Variants in DCSTAMP observed in about 807,000 individuals in gnomAD.
DCSTAMP encodes dendrocyte expressed seven transmembrane protein.
Under a neutral mutation model 33.8 loss-of-function variants are expected in DCSTAMP, and 25 were observed. The observed-to-expected ratio is 0.74, with a 90% CI of 0.54 to 1.03. DCSTAMP has a LOEUF of 1.03. DCSTAMP is among the 50% of genes least tolerant of loss of function. The probability of loss-of-function intolerance (pLI) is 0.00; values close to 1 mark genes in which losing one functional copy is unlikely to be tolerated. For synonymous variants in DCSTAMP, 245 were observed against 216.7 expected, an observed-to-expected ratio of 1.13 and a Z score of -1.15; for missense variants, 531 against 556.8, an observed-to-expected ratio of 0.95 and a Z score of 0.47.
Position 104,355,187 on chromosome 8 carries a change from TA to T in DCSTAMP, c.1338+4del. On this transcript the variant is annotated splice_donor_region_variant and intron_variant, in intron 3 of 3. Transcript: ENST00000297581. ...CGGCTGAGTCTCTATCTTACAAAGG[TA>T]AGGCCAAGATGGTGGTGTAACCTCC... 6.2e-7 allele frequency: 1 copy of T among 1,610,020 alleles called. No homozygotes were observed. The highest frequency in any genetic ancestry group is 1.1e-5 in the South Asian group (1 of 90,446).
At chr8:104,351,673 C>G (rs2458412) in intron 2 of DCSTAMP, among the ~76,000 whole-genome samples, 96,375 of 152,018 alleles carry the variant, frequency 0.63, 31,500 homozygotes, top group Non-Finnish European at 0.72. Context: ...AGCCATGTAA[C>G]ACAACTTCTG....
At chr8:104,355,434 T>C (rs1009529367) in intron 3 of DCSTAMP, among the ~76,000 whole-genome samples, 1 of 152,150 alleles carries the variant, frequency 6.6e-6, no homozygotes, top group Non-Finnish European at 1.5e-5. Flanking sequence ...GTATGTTCAG[T>C]CATTGTAGAG....
intron 3 of DCSTAMP, 92 bp from the exon 4 acceptor site, chr8:104,356,032 C>T: frequency 1.7e-6 from 2 of 1,175,330 alleles, no homozygotes; most frequent in East Asian, 2.6e-5. Flanking sequence ...TTTTTCCCAA[C>T]ATCTTTAACC....
chr8:104,347,916 C>A (rs1810356615), intron 1 of DCSTAMP, among the ~76,000 whole-genome samples: 1 of 151,996 alleles, frequency 6.6e-6, no homozygotes, highest in Non-Finnish European at 1.5e-5. Context: ...CACAAGGGCT[C>A]TTATAAGAGG....
At position 104,348,654 on chromosome 8, in the gene DCSTAMP, A is replaced by G. The variant is rs370717339; in HGVS notation, c.102A>G (p.Gly34=). The G allele has an allele frequency of 1.9e-6, 3 of 1,613,902 alleles. No homozygotes were observed. Among genetic ancestry groups the G allele is most frequent in the Non-Finnish European group, 2.5e-6 (3 of 1,180,020 alleles). ...PGWMDFIQHL[G]VCCLVALISV... is the part of the protein sequence containing the mutation. Reference sequence around the variant, plus strand: ...GGATGGACTTTATCCAGCATTTGGGAGTTTGCTGTTTGGTTGCTCTTATTT... The same window carrying G: ...GGATGGACTTTATCCAGCATTTGGGGGTTTGCTGTTTGGTTGCTCTTATTT... Residue 34 remains glycine (G), a synonymous_variant, in exon 2 of 4, where the codon GGA becomes GGG. Transcript: ENST00000297581.
rs1185935066 is a variant in DCSTAMP at position 104,353,276 on chromosome 8, G to GT, written c.1030-1599dup. Among the ~76,000 whole-genome samples the GT allele has an allele frequency of 2.6e-5, 4 of 152,304 alleles. No homozygotes were observed. In the East Asian group the frequency reaches 7.7e-4, roughly 29 times the overall value. On this transcript the variant is annotated intron_variant, in intron 2 of 3. Transcript: ENST00000297581. ...AAGAGAGGAATATAAATATTGAAAC[G>GT]TTGGGGTGCCATTTAGTATACTGCT...
chr8:104,356,359 C>T lies in DCSTAMP; in HGVS notation c.*161C>T. Reference sequence around the variant, plus strand: ...TGCAGCACCTGGTTATGCCTCCTTTCATCTCAAAGCCAAAGAGCTGCCAGG... The same window carrying T: ...TGCAGCACCTGGTTATGCCTCCTTTTATCTCAAAGCCAAAGAGCTGCCAGG... On this transcript the variant is annotated 3_prime_UTR_variant, in exon 4 of 4. Transcript: ENST00000297581. 4 of 549,204 alleles carry T rather than the reference C, an allele frequency of 7.3e-6. No individual in the cohort carries two copies. Among genetic ancestry groups the T allele is most frequent in the Non-Finnish European group, 1.2e-5 (4 of 331,972 alleles). The allele number at this position is 549,204 out of a possible 1,614,324, so 34.0% of individuals were successfully genotyped here.
chr8:104,349,444 C>T lies in DCSTAMP; in HGVS notation c.892C>T (p.Leu298Phe). 6.2e-7 allele frequency: 1 copy of T among 1,614,160 alleles called. No individual in the cohort carries two copies. Among genetic ancestry groups the T allele is most frequent in the South Asian group, 1.1e-5 (1 of 91,082 alleles). The change falls in exon 2 of 4, where the codon CTC becomes TTC. Residue 298 changes from leucine (L) to phenylalanine (F), a missense_variant. Coordinates refer to ENST00000297581, the MANE Select transcript of DCSTAMP (RefSeq NM_030788.4). ...AAGGAAAAACCTGGGGCTGTTTTTC[C>T]TCCCCATACTTATCCATCTCTGCAT... ...KERKNLGLFF[L>F]PILIHLCIWV...
At chr8:104,344,489 C>T (rs545092001) in intron 1 of DCSTAMP, among the ~76,000 whole-genome samples, 10 of 152,252 alleles carry the variant, frequency 6.6e-5, no homozygotes, top group African/African-American at 2.2e-4. Flanking sequence ...CAGTTCTATC[C>T]AACAGCGCTG....
intron 1 of DCSTAMP, among the ~76,000 whole-genome samples, chr8:104,341,786 GC>G (rs911763557): frequency 6.6e-6 from 1 of 152,210 alleles, no homozygotes; most frequent in Non-Finnish European, 1.5e-5. Flanking sequence ...GAGAGATGGG[GC>G]CCTTGGTGGT....
rs755206468 is a variant in DCSTAMP, at chr8:104,356,203, C to A, written c.*5C>A. On this transcript the variant is annotated 3_prime_UTR_variant, in exon 4 of 4. Coordinates refer to ENST00000297581, the MANE Select transcript of DCSTAMP (RefSeq NM_030788.4). ...GCAAGTGCAGACAAGTCATGAGAGACCCCGACTACTCCTCAGCCACATCGC... is the reference window on the plus strand; with the variant it reads ...GCAAGTGCAGACAAGTCATGAGAGAACCCGACTACTCCTCAGCCACATCGC... 9.3e-6 allele frequency: 15 copies of A among 1,610,260 alleles called. No individual in the cohort carries two copies. Among genetic ancestry groups the A allele is most frequent in the Non-Finnish European group, 1.3e-5 (15 of 1,178,372 alleles).
chr8:104,341,124 G>T (rs1397871774), intron 1 of DCSTAMP, among the ~76,000 whole-genome samples: 1 of 152,172 alleles, frequency 6.6e-6, no homozygotes, highest in African/African-American at 2.4e-5. Context: ...TCCAGAGAAG[G>T]TCACATTTCT....
intron 1 of DCSTAMP, among the ~76,000 whole-genome samples, chr8:104,342,372 C>T (rs1331817653): frequency 1.3e-5 from 2 of 152,162 alleles, no homozygotes; most frequent in Non-Finnish European, 2.9e-5. Flanking sequence ...ATAATTTGAG[C>T]CAACAGTTTT....
chr8:104,350,387 G>T (rs1242542328), intron 2 of DCSTAMP, among the ~76,000 whole-genome samples: 1 of 152,178 alleles, frequency 6.6e-6, no homozygotes, highest in Non-Finnish European at 1.5e-5. Flanking sequence ...CTCTGAGTGA[G>T]AACTTTTCTG....
chr8:104,345,094 T>C (rs190911882), intron 1 of DCSTAMP, among the ~76,000 whole-genome samples: 126 of 152,170 alleles, frequency 8.3e-4, no homozygotes, highest in Admixed American at 2.6e-3. Context: ...CAGCCTCCAG[T>C]GCCTGTCTCT....
At chr8:104,347,317 G>A (rs1810340299) in intron 1 of DCSTAMP, among the ~76,000 whole-genome samples, 1 of 152,218 alleles carries the variant, frequency 6.6e-6, no homozygotes, top group African/African-American at 2.4e-5. Flanking sequence ...GCATAAGAGG[G>A]AAGAAGCCGT....
intron 2 of DCSTAMP, among the ~76,000 whole-genome samples, chr8:104,352,933 C>A (rs1300826230): frequency 1.3e-5 from 2 of 152,226 alleles, no homozygotes; most frequent in African/African-American, 4.8e-5. Context: ...CCCTTGGGGG[C>A]TCCTTGTCTT....
intron 1 of DCSTAMP, among the ~76,000 whole-genome samples, chr8:104,344,761 C>G (rs1345784839): frequency 1.3e-5 from 2 of 152,114 alleles, no homozygotes; most frequent in African/African-American, 2.4e-5. Context: ...ACTTGCTTAG[C>G]TTATCAAAAT....
intron 2 of DCSTAMP, among the ~76,000 whole-genome samples, chr8:104,350,313 AC>A (rs2140474914): frequency 6.6e-6 from 1 of 152,330 alleles, no homozygotes; most frequent in Admixed American, 6.5e-5. Context: ...AACCTAAGAG[AC>A]ACGGATTTAG....
Sources: allele counts gnomAD v4.1 joint callset (sites outside exome capture counted in the v4.1 genomes callset), GRCh38; gene constraint gnomAD v4.1.1; transcripts MANE v1.5; gene names NCBI Gene and HGNC (gene_info 2026-07-23, HGNC 2026-07-21).